NFIB: variants seen among roughly 807,000 people sequenced by gnomAD.
NFIB encodes the protein nuclear factor 1 B-type.
NFIB carries 11 observed loss-of-function variants against 61.5 expected under a neutral mutation model. The observed-to-expected ratio is 0.18, with a 90% CI of 0.11 to 0.30. The LOEUF is 0.30. Among genes scored for constraint, NFIB ranks in the 10% least tolerant of loss-of-function variants. The pLI is 1.00. For synonymous variants in NFIB, 260 were observed against 216.5 expected (o/e 1.20, Z -1.76); for missense variants, 471 against 608.9 (o/e 0.77, Z 2.38).
chr9:14,283,277 T>C (rs554239865), intron 2 of NFIB, among the ~76,000 whole-genome samples: 153 of 152,346 alleles, frequency 1.0e-3, no homozygotes, highest in African/African-American at 3.6e-3. Context: ...TTAAAGGTTT[T>C]CTAGCAAAAC....
At chr9:14,321,979 T>A in intron 1 of NFIB, 1 of 1,229,916 alleles carries the variant, frequency 8.1e-7, no homozygotes, top group Non-Finnish European at 1.0e-6. Context: ...AGATCTTGAG[T>A]CTGTAACAGA....
chr9:14,324,214 C>A (rs2060725392), intron 1 of NFIB, among the ~76,000 whole-genome samples: 1 of 152,132 alleles, frequency 6.6e-6, no homozygotes, highest in South Asian at 2.1e-4. Context: ...GGGTAACAAA[C>A]AGATCTGTTT....
the NFIB span, among the ~76,000 whole-genome samples, chr9:14,409,897 A>C: frequency 6.6e-6 from 1 of 152,210 alleles, no homozygotes; most frequent in Non-Finnish European, 1.5e-5. Context: ...GATATGAAAA[A>C]TTGATGTTAA....
At chr9:14,144,755 G>A (rs553020814) in intron 6 of NFIB, among the ~76,000 whole-genome samples, 12 of 152,292 alleles carry the variant, frequency 7.9e-5, no homozygotes, top group African/African-American at 2.4e-4. Context: ...ACAGAATTTA[G>A]ACTGAAATTT....
At chr9:14,359,630 G>A (rs573774255) in intron 1 of NFIB, among the ~76,000 whole-genome samples, 67 of 152,242 alleles carry the variant, frequency 4.4e-4, no homozygotes, top group African/African-American at 1.5e-3. Context: ...TGTTATGGGA[G>A]CCATAAGAAA....
At chr9:14,368,350 A>G (rs1588379004) in intron 1 of NFIB, among the ~76,000 whole-genome samples, 1 of 152,234 alleles carries the variant, frequency 6.6e-6, no homozygotes, top group East Asian at 1.9e-4. Flanking sequence ...TTTGTATTTC[A>G]TTATTTATGA....
intron 2 of NFIB, among the ~76,000 whole-genome samples, chr9:14,220,750 T>C (rs1173578006): frequency 6.6e-6 from 1 of 151,666 alleles, no homozygotes; most frequent in African/African-American, 2.4e-5. Flanking sequence ...AAGGTGTAAC[T>C]TCCTCAGGAA....
At chr9:14,282,065 A>G (rs915895043) in intron 2 of NFIB, among the ~76,000 whole-genome samples, 1 of 152,212 alleles carries the variant, frequency 6.6e-6, no homozygotes, top group Non-Finnish European at 1.5e-5. Context: ...CTGTCTACTC[A>G]GGGGGCAAGA....
At chr9:14,471,505 A>C in the NFIB span, among the ~76,000 whole-genome samples, 2 of 152,276 alleles carry the variant, frequency 1.3e-5, no homozygotes, top group South Asian at 4.1e-4. Context: ...AAGAAAGACT[A>C]CATTTGTTTC....
chr9:14,503,274 T>A, the NFIB span, among the ~76,000 whole-genome samples: 1 of 152,120 alleles, frequency 6.6e-6, no homozygotes. Context: ...ATCTTTTTCA[T>A]GTAATGACTT....
chr9:14,347,645 C>G (rs116470066), intron 1 of NFIB, among the ~76,000 whole-genome samples: 1,709 of 152,086 alleles, frequency 0.011, 32 homozygotes, highest in African/African-American at 0.039. Context: ...AGATCCAAGT[C>G]TCTTCGGTCA....
chr9:14,102,175 A>G (rs191517631), intron 10 of NFIB, among the ~76,000 whole-genome samples: 2 of 152,290 alleles, frequency 1.3e-5, no homozygotes, highest in Admixed American at 1.3e-4. Context: ...AAAACAGTAT[A>G]AATTGTAGAA....
chr9:14,442,464 A>G, the NFIB span, among the ~76,000 whole-genome samples: 1 of 152,174 alleles, frequency 6.6e-6, no homozygotes, highest in South Asian at 2.1e-4. Context: ...CGCCATAACA[A>G]AGCACTACCA....
At chr9:14,467,503 T>C in the NFIB span, among the ~76,000 whole-genome samples, 5 of 152,166 alleles carry the variant, frequency 3.3e-5, no homozygotes, top group Non-Finnish European at 7.3e-5. Flanking sequence ...GCTGGTCTCA[T>C]TAACAGCTCT....
chr9:14,394,567 TG>T (rs1357742308), intron 1 of NFIB, among the ~76,000 whole-genome samples: 6 of 152,174 alleles, frequency 3.9e-5, no homozygotes, highest in Non-Finnish European at 8.8e-5. Context: ...AAGAACAGTA[TG>T]GGGAAAATGC....
At chr9:14,492,319 C>T in the NFIB span, among the ~76,000 whole-genome samples, 33 of 151,660 alleles carry the variant, frequency 2.2e-4, no homozygotes, top group South Asian at 2.3e-3. Flanking sequence ...GCCGAGATCA[C>T]GCCACTGCAC....
chr9:14,521,871 C>A, the NFIB span, among the ~76,000 whole-genome samples: 2 of 152,190 alleles, frequency 1.3e-5, no homozygotes, highest in Non-Finnish European at 2.9e-5. Context: ...TCACTCTACC[C>A]ATTGGTAGTC....
chr9:14,428,139 T>A, the NFIB span, among the ~76,000 whole-genome samples: 2 of 151,820 alleles, frequency 1.3e-5, no homozygotes, highest in East Asian at 3.9e-4. Context: ...AGAGATGGGG[T>A]TTCACCATGT....
intron 2 of NFIB, among the ~76,000 whole-genome samples, chr9:14,201,936 T>A (rs1202220512): frequency 6.6e-6 from 1 of 152,294 alleles, no homozygotes; most frequent in Non-Finnish European, 1.5e-5. Flanking sequence ...CAGTGGTCCA[T>A]GTATCATCCT....
Sources: allele counts gnomAD v4.1 joint callset (sites outside exome capture counted in the v4.1 genomes callset), GRCh38; gene constraint gnomAD v4.1.1; transcripts MANE v1.5; gene names NCBI Gene and HGNC (gene_info 2026-07-23, HGNC 2026-07-21).